RHPN2: variants seen among roughly 807,000 people sequenced by gnomAD.
The protein encoded by RHPN2 is rhophilin Rho GTPase binding protein 2.
RHPN2 carries 40 observed loss-of-function variants against 79.0 expected under a neutral mutation model. The observed-to-expected ratio is 0.51, with a 90% CI of 0.39 to 0.66. The LOEUF is 0.66. Ranked by LOEUF, RHPN2 falls within the 30% of genes least tolerant of loss-of-function variation. The pLI is 0.00. For synonymous variants in RHPN2, 285 were observed against 363.5 expected (o/e 0.78, Z 2.46); for missense variants, 686 against 883.5 (o/e 0.78, Z 2.83).
At chr19:33,006,487 C>T (rs1467159952) in intron 7 of RHPN2, among the ~76,000 whole-genome samples, 3 of 152,198 alleles carry the variant, frequency 2.0e-5, no homozygotes, top group Admixed American at 2.0e-4. Context: ...CACAAGCTTG[C>T]AGGGCAAAGT....
chr19:33,051,896 G>A (rs1182598523), intron 1 of RHPN2, among the ~76,000 whole-genome samples: 1 of 150,318 alleles, frequency 6.7e-6, no homozygotes, highest in East Asian at 2.0e-4. Flanking sequence ...GGTGGCGTGT[G>A]TCTATAGTCC....
chr19:32,999,168 A>G (rs1599811665), intron 10 of RHPN2, among the ~76,000 whole-genome samples: 1 of 152,068 alleles, frequency 6.6e-6, no homozygotes, highest in East Asian at 1.9e-4. Context: ...AGGGTGGTGG[A>G]GGTGAGGTCT....
At chr19:33,020,590 T>C (rs1971915960) in intron 4 of RHPN2, among the ~76,000 whole-genome samples, 1 of 151,888 alleles carries the variant, frequency 6.6e-6, no homozygotes, top group African/African-American at 2.4e-5. Context: ...ACCTCCACCT[T>C]CCAGGTTCGA....
intron 1 of RHPN2, among the ~76,000 whole-genome samples, chr19:33,064,538 G>T (rs1244520817): frequency 6.6e-6 from 1 of 151,306 alleles, no homozygotes; most frequent in African/African-American, 2.5e-5. Context: ...GCACCTGCGC[G>T]GAGCGGCCAC....
At position 32,980,848 on chromosome 19, in the gene RHPN2, T is replaced by C. The variant is rs143183318; in HGVS notation, c.1801-592A>G. On this transcript the variant is annotated intron_variant, in intron 14 of 14. Transcript: ENST00000254260. ...TAATTTTTTGTTTGTTTTTTGTTTTTGTTTTTTAAGACAGAGTCTCACTCT... is the reference window on the plus strand; with the variant it reads ...TAATTTTTTGTTTGTTTTTTGTTTTCGTTTTTTAAGACAGAGTCTCACTCT... 6.4e-3 allele frequency among the ~76,000 whole-genome samples: 973 copies of C among 152,112 alleles called. 10 individuals carry two copies. The highest frequency in any genetic ancestry group is 0.022 in the African/African-American group (933 of 41,490).
chr19:33,011,514 A>C (rs1346445960), intron 6 of RHPN2, among the ~76,000 whole-genome samples, 165 bp downstream of exon 6: 1 of 152,206 alleles, frequency 6.6e-6, no homozygotes, highest in Non-Finnish European at 1.5e-5. Context: ...TCATAAATAA[A>C]TACCAATGTA....
At chr19:33,037,291 G>A (rs1168139610) in intron 2 of RHPN2, among the ~76,000 whole-genome samples, 1 of 152,142 alleles carries the variant, frequency 6.6e-6, no homozygotes, top group South Asian at 2.1e-4. Context: ...GTGGGGACAT[G>A]GAGAACCTTT....
In RHPN2 at chr19:32,980,078, G is replaced by T. The variant is rs780852824; in HGVS notation, c.1979C>A (p.Ser660Ter). 1.2e-6 allele frequency: 2 copies of T among 1,613,826 alleles called. No homozygotes were observed. Among genetic ancestry groups the T allele is most frequent in the Non-Finnish European group, 1.7e-6 (2 of 1,179,768 alleles). The change falls in exon 15 of 15, where the codon TCG becomes TAG. Residue 660 changes from serine to a stop codon, truncating the protein, a stop_gained. Transcript: ENST00000254260. LOFTEE classifies it high-confidence loss of function. ...GACCTGAGGCCGTGCAGCCCCGACC[G>T]ATGGGAGGCACAAGGTGCTGGCTGA... is the stretch of plus-strand genomic sequence containing the variant. ...QKSASTLCLP[S>*]VGAARPQVKK...
chr19:33,035,407 AT>A (rs1377202772), intron 2 of RHPN2, among the ~76,000 whole-genome samples: 9 of 152,216 alleles, frequency 5.9e-5, no homozygotes, highest in East Asian at 5.8e-4. Context: ...TGGCCTAAAA[AT>A]TTTTTTTAAA....
At position 32,993,980 on chromosome 19, in the gene RHPN2, C is replaced by T; in HGVS notation, c.1494G>A (p.Lys498=). The change falls in exon 12 of 15, where the codon AAG becomes AAA. Residue 498 remains lysine, a synonymous_variant. Transcript: ENST00000254260. ...ATGTAGAGAGCATTCAACATACCAG[C>T]TTCTGGAAGAAGTCCGTGACTGTCA... ...SKLTVTDFFQ[K]LGPLSVFSAN... 6.2e-7 allele frequency: 1 copy of T among 1,611,198 alleles called. No individual in the cohort carries two copies. The highest frequency in any genetic ancestry group is 8.5e-7 in the Non-Finnish European group (1 of 1,177,392).
intron 14 of RHPN2, among the ~76,000 whole-genome samples, chr19:32,984,117 G>A (rs757751307): frequency 2.0e-5 from 3 of 152,140 alleles, no homozygotes; most frequent in Non-Finnish European, 2.9e-5. Context: ...GCTTGTGAAC[G>A]GCAGTCAGGG....
At chr19:32,999,020 G>A (rs532664191) in intron 10 of RHPN2, among the ~76,000 whole-genome samples, 1 of 151,186 alleles carries the variant, frequency 6.6e-6, no homozygotes, top group East Asian at 2.0e-4. Flanking sequence ...GGAGGGGATG[G>A]GAAAGAGGAG....
At chr19:32,992,602 G>T (rs1486436470) in intron 12 of RHPN2, among the ~76,000 whole-genome samples, 2 of 152,076 alleles carry the variant, frequency 1.3e-5, no homozygotes, top group Non-Finnish European at 2.9e-5. Flanking sequence ...CGAGGCCAGG[G>T]GTTTGAGACC....
chr19:33,044,888 C>T (rs1202478248), intron 1 of RHPN2, among the ~76,000 whole-genome samples: 2 of 152,066 alleles, frequency 1.3e-5, no homozygotes, highest in Non-Finnish European at 1.5e-5. Flanking sequence ...AAGTGAGACG[C>T]TGTCTCAAAA....
chr19:33,028,066 A>G (rs1367280401), intron 2 of RHPN2, among the ~76,000 whole-genome samples: 2 of 152,222 alleles, frequency 1.3e-5, no homozygotes, highest in African/African-American at 2.4e-5. Flanking sequence ...TATCTTATAT[A>G]TAGAAAATCC....
intron 4 of RHPN2, among the ~76,000 whole-genome samples, chr19:33,015,644 AAATT>A (rs1971872000): frequency 1.3e-5 from 2 of 152,354 alleles, no homozygotes; most frequent in African/African-American, 4.8e-5. Context: ...AAACATTACT[AAATT>A]AATAAGAATT....
At chr19:33,012,574 AG>A in intron 5 of RHPN2, 72 bp downstream of exon 5, 1 of 914,642 alleles carries the variant, frequency 1.1e-6, no homozygotes, top group African/African-American at 1.6e-5. Context: ...TAAGACCACA[AG>A]CGTGCAATAA....
At chr19:32,994,766 A>G (rs1599809442) in intron 11 of RHPN2, among the ~76,000 whole-genome samples, 2 of 152,212 alleles carry the variant, frequency 1.3e-5, no homozygotes, top group Admixed American at 1.3e-4. Flanking sequence ...GTTCAAGACC[A>G]GCCTGGCCAA....
At chr19:32,994,125 G>C in intron 11 of RHPN2, 72 bp from the exon 12 acceptor site, 1 of 1,138,462 alleles carries the variant, frequency 8.8e-7, no homozygotes, top group Non-Finnish European at 1.3e-6. Flanking sequence ...GTCCAGTGTT[G>C]TGGCTCACGC....
Sources: gnomAD v4.1 joint callset for allele counts (sites outside exome capture counted in the v4.1 genomes callset) on GRCh38, gnomAD v4.1.1 for gene constraint, MANE v1.5 for transcripts, NCBI Gene and HGNC (gene_info 2026-07-23, HGNC 2026-07-21) for gene names.